Variants in CSF2RA observed in about 807,000 individuals in gnomAD.
The protein encoded by CSF2RA is colony stimulating factor 2 receptor subunit alpha, also known as granulocyte-macrophage colony-stimulating factor receptor subunit alpha.
In CSF2RA, 42 loss-of-function variants were observed where a neutral mutation model predicts 51.6. That is an observed-to-expected ratio of 0.81 (90% CI 0.64 to 1.05). The LOEUF is 1.05. Ranked by LOEUF, CSF2RA falls within the 50% of genes least tolerant of loss-of-function variation. The pLI is 0.00. For synonymous variants in CSF2RA, 222 were observed against 193.0 expected (o/e 1.15, Z -1.24); for missense variants, 530 against 501.1 (o/e 1.06, Z -0.55).
At chrX:1,294,172 C>G (rs772338920) in intron 7 of CSF2RA, 156 bp from the exon 8 acceptor site, 4 of 903,718 alleles carry the variant, frequency 4.4e-6, no homozygotes, top group South Asian at 1.3e-5. Flanking sequence ...AGAGGTGTCC[C>G]TACTCCACCT....
chrX:1,287,669 C>A, intron 4 of CSF2RA, among the ~76,000 whole-genome samples: 1 of 139,242 alleles, frequency 7.2e-6, no homozygotes, highest in African/African-American at 2.7e-5. Context: ...ATCTTGAACT[C>A]CTGACCTCAA....
chrX:1,276,055 C>T (rs144293965), intron 2 of CSF2RA, among the ~76,000 whole-genome samples: 17,488 of 151,654 alleles, frequency 0.12, 2,048 homozygotes, highest in African/African-American at 0.3. Flanking sequence ...GGCTGGAGTG[C>T]AGTGGAGCGA....
the CSF2RA span, among the ~76,000 whole-genome samples, chrX:1,318,790 A>G: frequency 1.3e-5 from 2 of 148,796 alleles, no homozygotes; most frequent in African/African-American, 2.5e-5. Context: ...GGTGGCGGGC[A>G]CCTGTAATCC....
At chrX:1,308,845 T>C (rs1189865287) in intron 12 of CSF2RA, among the ~76,000 whole-genome samples, 1 of 152,010 alleles carries the variant, frequency 6.6e-6, no homozygotes, top group African/African-American at 2.4e-5. Flanking sequence ...CCTGCCCAGG[T>C]TTCATGCTCA....
intron 2 of CSF2RA, among the ~76,000 whole-genome samples, chrX:1,279,263 T>C (rs1301627903): frequency 1.3e-5 from 2 of 151,220 alleles, no homozygotes; most frequent in African/African-American, 4.9e-5. Context: ...GGCAGTAGAA[T>C]GGCTTCAACT....
At position 1,302,045 on chromosome X, in the gene CSF2RA, T is replaced by G. The variant is rs1339190982; in HGVS notation, c.946+1419T>G. On this transcript the variant is annotated intron_variant, in intron 10 of 12. Transcript: ENST00000381529. Reference sequence around the variant, plus strand: ...AATTCTCCAGCCTCAGTCTCCCGAGTAGCTGGGATTACAGGCGCCCGCCAC... The same window carrying G: ...AATTCTCCAGCCTCAGTCTCCCGAGGAGCTGGGATTACAGGCGCCCGCCAC... Among the ~76,000 whole-genome samples, 16 of 150,612 alleles carry G rather than the reference T, an allele frequency of 1.1e-4. No homozygotes were observed. In the Admixed American group the frequency reaches 1.1e-3, roughly 10 times the overall value.
the CSF2RA span, among the ~76,000 whole-genome samples, chrX:1,315,630 C>T: frequency 2.0e-5 from 3 of 152,152 alleles, no homozygotes; most frequent in African/African-American, 7.2e-5. Context: ...GTCTCGAACT[C>T]CTGACCTCAA....
At chrX:1,324,666 T>C in the CSF2RA span, among the ~76,000 whole-genome samples, 1 of 152,160 alleles carries the variant, frequency 6.6e-6, no homozygotes, top group Non-Finnish European at 1.5e-5. Context: ...CCACTGTGGA[T>C]GGAGAGGTTG....
intron 12 of CSF2RA, 172 bp downstream of exon 12, chrX:1,305,699 G>A: frequency 1.3e-6 from 2 of 1,561,346 alleles, no homozygotes; most frequent in Non-Finnish European, 1.7e-6. Flanking sequence ...CCGGGTCGGG[G>A]TCTTCTCCAA....
chrX:1,290,956 C>G (rs1173947418), intron 7 of CSF2RA, among the ~76,000 whole-genome samples: 1 of 152,122 alleles, frequency 6.6e-6, no homozygotes, highest in South Asian at 2.1e-4. Context: ...GAGTCTCGCT[C>G]TGTCACCCAG....
In CSF2RA at chrX:1,285,077, T is replaced by G. The variant is rs139142794; in HGVS notation, c.77-701T>G. 3.2e-3 allele frequency among the ~76,000 whole-genome samples: 484 copies of G among 152,078 alleles called. 1 individual carries two copies. The highest frequency in any genetic ancestry group is 5.3e-3 in the Non-Finnish European group (360 of 67,994). The stretch of plus-strand genomic sequence containing the variant: ...ATTTAAATTTTTAAAAAAAAATTTT[T>G]TTTAAAGAGATGCGATCTTGCTATG... On this transcript the variant is annotated intron_variant, in intron 3 of 12. Coordinates refer to ENST00000381529, the MANE Select transcript of CSF2RA (RefSeq NM_172245.4).
chrX:1,287,404 G>A (rs1260451151), intron 4 of CSF2RA, among the ~76,000 whole-genome samples: 2 of 146,152 alleles, frequency 1.4e-5, no homozygotes, highest in Non-Finnish European at 3.0e-5. Context: ...CACCCTCCTT[G>A]GCCTCCCAAA....
chrX:1,283,081 G>T (rs1156411233), intron 3 of CSF2RA, among the ~76,000 whole-genome samples: 1 of 151,884 alleles, frequency 6.6e-6, no homozygotes, highest in Non-Finnish European at 1.5e-5. Context: ...TGTCTGCATG[G>T]GGCCAAAGTG....
intron 9 of CSF2RA, among the ~76,000 whole-genome samples, chrX:1,296,915 GGCGGAACC>G (rs2091997660): frequency 1.4e-5 from 1 of 70,820 alleles, no homozygotes; most frequent in Non-Finnish European, 3.0e-5. Context: ...CATGACCCCT[GGCGGAACC>G]GTACAGTCCC....
chrX:1,301,036 C>G (rs2092331345), intron 10 of CSF2RA, among the ~76,000 whole-genome samples: 1 of 151,672 alleles, frequency 6.6e-6, no homozygotes, highest in South Asian at 2.1e-4. Flanking sequence ...GCCTGTAATC[C>G]CAGCTACTCG....
rs143387243 is a variant in CSF2RA at position 1,285,962 on chromosome X, C to T, written c.219+42C>T. ...ATTCTCAACCCCTGTCCTTTACACA[C>T]CCCTTTCTGAGTTAAAAGCAACAGG... On this transcript the variant is annotated intron_variant, in intron 4 of 12. Transcript: ENST00000381529. 1,918 of 1,613,286 alleles carry T rather than the reference C, an allele frequency of 1.2e-3. 26 individuals are homozygous for T. The African/African-American group carries it at 0.022, about 18-fold the overall frequency.
At chrX:1,301,465 C>A (rs2082914245) in intron 10 of CSF2RA, among the ~76,000 whole-genome samples, 1 of 151,662 alleles carries the variant, frequency 6.6e-6, no homozygotes, top group Non-Finnish European at 1.5e-5. Flanking sequence ...CAGAGAAGGA[C>A]CCCACTGATA....
downstream of CSF2RA, among the ~76,000 whole-genome samples, chrX:1,311,240 T>G (rs1193180989): frequency 7.0e-6 from 1 of 143,138 alleles, no homozygotes; most frequent in African/African-American, 2.8e-5. Flanking sequence ...CAGAGTTAGA[T>G]TCTGTCTCCA....
At chrX:1,301,384 C>A (rs2082907542) in intron 10 of CSF2RA, among the ~76,000 whole-genome samples, 1 of 147,592 alleles carries the variant, frequency 6.8e-6, no homozygotes, top group African/African-American at 2.5e-5. Context: ...GTCTCATACT[C>A]ATACGGGGTC....
Sources: allele counts gnomAD v4.1 joint callset (sites outside exome capture counted in the v4.1 genomes callset), GRCh38; gene constraint gnomAD v4.1.1; transcripts MANE v1.5; gene names NCBI Gene and HGNC (gene_info 2026-07-23, HGNC 2026-07-21).